The following SCHIP1 variants were observed in gnomAD, a reference collection of about 807,000 sequenced individuals.
The protein encoded by SCHIP1 is schwannomin interacting protein 1.
A neutral mutation model predicts 29.7 loss-of-function variants in SCHIP1; 8 were observed. That is an observed-to-expected ratio of 0.27 (90% CI 0.16 to 0.49). The LOEUF (loss-of-function observed/expected upper bound fraction) is 0.49, where lower values mean the gene tolerates loss of function less well. SCHIP1 is among the 20% of genes least tolerant of loss of function. The pLI is 0.99. For missense variants in SCHIP1, 193 were observed against 294.6 expected, an observed-to-expected ratio of 0.66 and a Z score of 2.52; for synonymous variants, 76 against 94.9, an observed-to-expected ratio of 0.80 and a Z score of 1.16.
the SCHIP1 span, among the ~76,000 whole-genome samples, chr3:159,560,552 T>TCCC: frequency 6.6e-6 from 1 of 152,170 alleles, no homozygotes; most frequent in Non-Finnish European, 1.5e-5. Flanking sequence ...GAGTTAAGTT[T>TCCC]CTTTCTGGAT....
the SCHIP1 span, among the ~76,000 whole-genome samples, chr3:159,344,547 T>C: frequency 6.6e-6 from 1 of 152,150 alleles, no homozygotes; most frequent in Non-Finnish European, 1.5e-5. Flanking sequence ...ACAATCCCAG[T>C]CTAATCATGA....
chr3:159,312,084 T>TC, the SCHIP1 span, among the ~76,000 whole-genome samples: 2 of 152,196 alleles, frequency 1.3e-5, no homozygotes, highest in Non-Finnish European at 2.9e-5. Flanking sequence ...GGAAAGACAT[T>TC]CAAGCATGCT....
the SCHIP1 span, among the ~76,000 whole-genome samples, chr3:159,316,531 A>T: frequency 6.6e-6 from 1 of 152,208 alleles, no homozygotes; most frequent in Non-Finnish European, 1.5e-5. Context: ...ATACAGGATT[A>T]ATACTTTGTA....
chr3:159,869,760 A>G (rs974732380), intron 2 of SCHIP1, among the ~76,000 whole-genome samples: 1 of 151,890 alleles, frequency 6.6e-6, no homozygotes, highest in Non-Finnish European at 1.5e-5. Flanking sequence ...TGGAATTTTG[A>G]CTGTAATTGC....
At chr3:159,813,796 G>A in the SCHIP1 span, among the ~76,000 whole-genome samples, 1 of 152,190 alleles carries the variant, frequency 6.6e-6, no homozygotes, top group South Asian at 2.1e-4. Context: ...ACCCTGCTAG[G>A]ATACAAGAGA....
the SCHIP1 span, among the ~76,000 whole-genome samples, chr3:159,537,969 C>T: frequency 6.6e-6 from 1 of 152,120 alleles, no homozygotes; most frequent in African/African-American, 2.4e-5. Flanking sequence ...TAACTCTTGA[C>T]ACAAATTAGT....
chr3:159,895,319 G>A (rs544173041), intron 6 of SCHIP1, among the ~76,000 whole-genome samples: 156 of 152,282 alleles, frequency 1.0e-3, no homozygotes, highest in African/African-American at 3.7e-3. Flanking sequence ...GAAAGTATTT[G>A]TAGTTTGTCT....
At chr3:159,450,259 T>G in the SCHIP1 span, among the ~76,000 whole-genome samples, 1 of 152,204 alleles carries the variant, frequency 6.6e-6, no homozygotes, top group Non-Finnish European at 1.5e-5. Flanking sequence ...AATTTACAAT[T>G]AAGTGATGCT....
chr3:159,570,876 G>A, the SCHIP1 span, among the ~76,000 whole-genome samples: 1 of 152,084 alleles, frequency 6.6e-6, no homozygotes, highest in Non-Finnish European at 1.5e-5. Context: ...TTGTAAGTTG[G>A]ATTCCTAGGT....
chr3:159,339,280 G>T, the SCHIP1 span, among the ~76,000 whole-genome samples: 2 of 150,722 alleles, frequency 1.3e-5, no homozygotes, highest in East Asian at 3.9e-4. Context: ...AAACCTTGGT[G>T]TTCTTTACTC....
At chr3:159,559,320 G>A in the SCHIP1 span, among the ~76,000 whole-genome samples, 2 of 152,128 alleles carry the variant, frequency 1.3e-5, no homozygotes, top group African/African-American at 4.8e-5. Flanking sequence ...TCATTTTCAA[G>A]GTGAGCTATT....
the SCHIP1 span, among the ~76,000 whole-genome samples, chr3:159,543,128 T>C: frequency 6.6e-6 from 1 of 151,190 alleles, no homozygotes; most frequent in Non-Finnish European, 1.5e-5. Flanking sequence ...TATATATATA[T>C]ATATATATAG....
chr3:159,886,446 G>A lies in SCHIP1; in HGVS notation c.267+122G>A. 6 of 816,966 alleles carry A rather than the reference G, an allele frequency of 7.3e-6. No individual in the cohort carries two copies. In the South Asian group the frequency reaches 1.2e-4, roughly 16 times the overall value. The allele number at this position is 816,966 out of a possible 1,614,324, so 50.6% of individuals were successfully genotyped here. On this transcript the variant is annotated intron_variant, in intron 3 of 6. Transcript: ENST00000445224. The stretch of plus-strand genomic sequence containing the variant: ...GAGATTAAAGAAGAAAAGTTTCTTG[G>A]AATTGCATGCTCCTAAAATTTGACA...
chr3:159,433,115 G>T, the SCHIP1 span, among the ~76,000 whole-genome samples: 14 of 152,168 alleles, frequency 9.2e-5, no homozygotes, highest in Admixed American at 9.2e-4. Flanking sequence ...GAGGCTCATT[G>T]TGTATGCAAG....
chr3:159,522,425 G>T, the SCHIP1 span, among the ~76,000 whole-genome samples: 5 of 152,164 alleles, frequency 3.3e-5, no homozygotes, highest in African/African-American at 9.7e-5. Flanking sequence ...GAAAGAGAAG[G>T]TTTCCAAGGT....
the SCHIP1 span, among the ~76,000 whole-genome samples, chr3:159,344,065 G>T: frequency 2.0e-5 from 3 of 152,126 alleles, no homozygotes; most frequent in South Asian, 6.2e-4. Context: ...AGGCGCAGTG[G>T]CTCATGCCTG....
chr3:159,750,261 G>GTATATATATATATATA, the SCHIP1 span, among the ~76,000 whole-genome samples: 1 of 11,820 alleles, frequency 8.5e-5, no homozygotes, highest in African/African-American at 1.5e-4. Context: ...GTATGTGTGT[G>GTATATATATATATATA]TGTATATATA....
At chr3:159,362,081 A>C in the SCHIP1 span, among the ~76,000 whole-genome samples, 2 of 152,198 alleles carry the variant, frequency 1.3e-5, no homozygotes, top group African/African-American at 4.8e-5. Flanking sequence ...GTAAATAGAA[A>C]AAGTTAGAGG....
At chr3:159,526,924 G>T in the SCHIP1 span, among the ~76,000 whole-genome samples, 3 of 152,190 alleles carry the variant, frequency 2.0e-5, no homozygotes, top group Non-Finnish European at 2.9e-5. Context: ...CCTAGTGTTT[G>T]TCAGGGCAGA....
Sources: allele counts gnomAD v4.1 joint callset (sites outside exome capture counted in the v4.1 genomes callset), GRCh38; gene constraint gnomAD v4.1.1; transcripts MANE v1.5; gene names NCBI Gene and HGNC (gene_info 2026-07-23, HGNC 2026-07-21).